The following CTNNA2 variants were observed in gnomAD, a reference collection of about 807,000 sequenced individuals.
CTNNA2 encodes the protein catenin alpha-2.
CTNNA2 carries 42 observed loss-of-function variants against 101.0 expected under a neutral mutation model. The ratio of observed to expected loss-of-function variants is 0.42; its 90% CI spans 0.32 to 0.54. CTNNA2 has a LOEUF of 0.54. Among genes scored for constraint, CTNNA2 ranks in the 20% least tolerant of loss-of-function variants. The probability of loss-of-function intolerance (pLI) is 0.14; values close to 1 mark genes in which losing one functional copy is unlikely to be tolerated. For missense variants in CTNNA2, 871 were observed against 1,223.1 expected (o/e 0.71, Z 4.29); for synonymous variants, 450 against 456.4 (o/e 0.99, Z 0.18).
chr2:80,556,914 T>A (rs958478264), intron 12 of CTNNA2, among the ~76,000 whole-genome samples: 1 of 152,326 alleles, frequency 6.6e-6, no homozygotes, highest in South Asian at 2.1e-4. Context: ...ATTTTTAAAA[T>A]AGCCATCTCT....
At chr2:79,656,257 G>C (rs1185418768) in intron 2 of CTNNA2, among the ~76,000 whole-genome samples, 2 of 152,092 alleles carry the variant, frequency 1.3e-5, no homozygotes, top group Non-Finnish European at 2.9e-5. Flanking sequence ...TTATGAATAA[G>C]GAAGAAGAGA....
intron 8 of CTNNA2, among the ~76,000 whole-genome samples, chr2:80,413,257 G>T (rs574315859): frequency 6.6e-6 from 1 of 152,254 alleles, no homozygotes; most frequent in African/African-American, 2.4e-5. Flanking sequence ...GACAATGAAT[G>T]AGATGGGTAG....
chr2:80,111,516 G>C (rs1701207468), intron 7 of CTNNA2, among the ~76,000 whole-genome samples: 1 of 152,138 alleles, frequency 6.6e-6, no homozygotes, highest in Non-Finnish European at 1.5e-5. Context: ...CTTTACCTAT[G>C]AAGGGCTTGA....
intron 1 of CTNNA2, among the ~76,000 whole-genome samples, chr2:79,580,963 C>CA (rs1356335780): frequency 3.9e-5 from 6 of 152,098 alleles, no homozygotes; most frequent in African/African-American, 1.4e-4. Flanking sequence ...CCTTTTCTGT[C>CA]AAAAAAGAAG....
At chr2:79,472,801 G>A (rs1457356831) in intron 4 of CTNNA2, among the ~76,000 whole-genome samples, 1 of 152,070 alleles carries the variant, frequency 6.6e-6, no homozygotes. Context: ...TTACCTTCAA[G>A]TCACTTTTCT....
chr2:79,192,727 G>T (rs993895736), intron 1 of CTNNA2, among the ~76,000 whole-genome samples: 1 of 151,978 alleles, frequency 6.6e-6, no homozygotes, highest in African/African-American at 2.4e-5. Context: ...GCTTTTCTTT[G>T]TTCTGTGGGC....
chr2:79,201,060 C>T (rs545950979), intron 2 of CTNNA2, among the ~76,000 whole-genome samples: 1 of 152,156 alleles, frequency 6.6e-6, no homozygotes, highest in Admixed American at 6.5e-5. Flanking sequence ...GTAAATAAAA[C>T]CCCTTAAGTA....
intron 2 of CTNNA2, among the ~76,000 whole-genome samples, chr2:79,298,257 G>A (rs1327002008): frequency 2.0e-5 from 3 of 152,130 alleles, no homozygotes; most frequent in African/African-American, 7.2e-5. Flanking sequence ...AGAGATAGGT[G>A]GAGATGCCAG....
intron 18 of CTNNA2, among the ~76,000 whole-genome samples, chr2:80,629,369 G>A (rs548086867): frequency 1.4e-4 from 21 of 152,232 alleles, no homozygotes; most frequent in African/African-American, 5.1e-4. Context: ...GTGAAACAGT[G>A]ATTGTCACAT....
rs143551318 is a variant in CTNNA2, at chr2:79,704,276, C to T, written c.103-40111C>T. ...TAAATTAATAACATTTTTTAAATGC[C>T]AGAGACATGTGACTTCTTTTCTTCC... is the stretch of plus-strand genomic sequence containing the variant. On this transcript the variant is annotated intron_variant, in intron 2 of 18. Coordinates refer to ENST00000402739, the MANE Select transcript of CTNNA2 (RefSeq NM_001282597.3). 2.9e-3 allele frequency among the ~76,000 whole-genome samples: 435 copies of T among 152,204 alleles called. 4 individuals are homozygous for T. Among genetic ancestry groups the T allele is most frequent in the African/African-American group, 9.9e-3 (413 of 41,532 alleles).
intron 7 of CTNNA2, among the ~76,000 whole-genome samples, chr2:80,068,695 G>A (rs1479908653): frequency 2.0e-5 from 3 of 152,156 alleles, no homozygotes; most frequent in African/African-American, 7.2e-5. Context: ...GTTGGAGAGT[G>A]AGGGTAGGAA....
intron 15 of CTNNA2, among the ~76,000 whole-genome samples, chr2:80,597,908 T>TGG (rs1697126793): frequency 6.6e-6 from 1 of 152,200 alleles, no homozygotes. Context: ...GAAGACAGTG[T>TGG]GGTGATTACT....
intron 7 of CTNNA2, among the ~76,000 whole-genome samples, chr2:80,143,720 C>G (rs1417102461): frequency 2.6e-5 from 4 of 152,112 alleles, no homozygotes; most frequent in African/African-American, 9.7e-5. Flanking sequence ...GCTAAAGCAG[C>G]CCTAAGTGTA....
chr2:79,306,339 A>AT (rs1487816850), intron 2 of CTNNA2, among the ~76,000 whole-genome samples: 1 of 152,188 alleles, frequency 6.6e-6, no homozygotes, highest in African/African-American at 2.4e-5. Flanking sequence ...ATATTTGAAA[A>AT]TTACTAAATA....
At position 80,303,220 on chromosome 2, in the gene CTNNA2, C is replaced by T. The variant is rs1459558600; in HGVS notation, c.1057-89991C>T. 1.9e-6 allele frequency: 3 copies of T among 1,613,850 alleles called. No homozygotes were observed. Among genetic ancestry groups the T allele is most frequent in the South Asian group, 2.2e-5 (2 of 91,084 alleles). On this transcript the variant is annotated intron_variant, in intron 7 of 18. Coordinates refer to ENST00000402739, the MANE Select transcript of CTNNA2 (RefSeq NM_001282597.3). The surrounding 1 kb of genome is among the most constrained non-coding windows in gnomAD (Gnocchi z 7.7). ...ACAAGCCGGCGAAAGAGTTGCGCGC[C>T]AGACTCTTGAGCTGATTGTATCCGA...
At chr2:79,783,545 C>T (rs114867080) in intron 3 of CTNNA2, among the ~76,000 whole-genome samples, 316 of 152,282 alleles carry the variant, frequency 2.1e-3, no homozygotes, top group African/African-American at 7.3e-3. Flanking sequence ...TTTTGTTAAA[C>T]TCTGCAGAGG....
chr2:79,397,997 G>A (rs1573146554), intron 4 of CTNNA2, among the ~76,000 whole-genome samples: 1 of 152,112 alleles, frequency 6.6e-6, no homozygotes, highest in East Asian at 1.9e-4. Context: ...TGGACGAGTG[G>A]ATATGTAATG....
chr2:80,503,673 C>A (rs1204229097), intron 9 of CTNNA2, among the ~76,000 whole-genome samples: 1 of 152,014 alleles, frequency 6.6e-6, no homozygotes, highest in African/African-American at 2.4e-5. Context: ...TTTAGAAAGT[C>A]CTGCACCCGA....
At chr2:79,991,553 T>C (rs1692182268) in intron 7 of CTNNA2, among the ~76,000 whole-genome samples, 1 of 152,228 alleles carries the variant, frequency 6.6e-6, no homozygotes, top group African/African-American at 2.4e-5. Flanking sequence ...CCATTGAATA[T>C]GAGATGTACA....
Sources: gnomAD v4.1 joint callset for allele counts (sites outside exome capture counted in the v4.1 genomes callset) on GRCh38, gnomAD v4.1.1 for gene constraint, Gnocchi (gnomAD v3.1) non-coding constraint, MANE v1.5 for transcripts, NCBI Gene and HGNC (gene_info 2026-07-23, HGNC 2026-07-21) for gene names.